The following KANSL1L variants were observed in gnomAD, a reference collection of about 807,000 sequenced individuals.
The protein encoded by KANSL1L is KAT8 regulatory NSL complex subunit 1 like.
In KANSL1L, 25 loss-of-function variants were observed where a neutral mutation model predicts 108.6. The observed-to-expected ratio is 0.23, with a 90% CI of 0.17 to 0.32. KANSL1L has a LOEUF of 0.32. Ranked by LOEUF, KANSL1L falls within the 10% of genes least tolerant of loss-of-function variation. The probability of loss-of-function intolerance (pLI) is 1.00; values close to 1 mark genes in which losing one functional copy is unlikely to be tolerated. For synonymous variants in KANSL1L, 405 were observed against 395.1 expected (o/e 1.03, Z -0.30); for missense variants, 1,137 against 1,125.7 (o/e 1.01, Z -0.14).
chr2:210,042,150 C>G (rs185652098), intron 7 of KANSL1L, among the ~76,000 whole-genome samples: 10 of 152,260 alleles, frequency 6.6e-5, no homozygotes, highest in African/African-American at 2.4e-5. Context: ...CTTGTTCGGT[C>G]TATGTGCCTT....
chr2:210,130,844 ATT>A (rs11333274), intron 2 of KANSL1L, among the ~76,000 whole-genome samples: 351 of 143,612 alleles, frequency 2.4e-3, no homozygotes, highest in South Asian at 0.012. Context: ...GGTGGTAACA[ATT>A]TTTTTTTTTT....
intron 13 of KANSL1L, 131 bp downstream of exon 13, chr2:210,024,973 A>G: frequency 1.6e-6 from 1 of 633,292 alleles, no homozygotes; most frequent in Non-Finnish European, 2.9e-6. Flanking sequence ...GTAGTATTTT[A>G]CTTCTGGTGC....
At chr2:210,091,945 T>C (rs2094696227) in intron 5 of KANSL1L, among the ~76,000 whole-genome samples, 1 of 152,216 alleles carries the variant, frequency 6.6e-6, no homozygotes, top group Non-Finnish European at 1.5e-5. Flanking sequence ...ATAGAGTTTC[T>C]AGGTAAACAG....
At chr2:210,045,428 C>T (rs1023770834) in intron 6 of KANSL1L, among the ~76,000 whole-genome samples, 1 of 152,122 alleles carries the variant, frequency 6.6e-6, no homozygotes, top group Non-Finnish European at 1.5e-5. Context: ...CATTTACTCT[C>T]CTGTTTTTGC....
Position 210,059,899 on chromosome 2 carries a change from G to A in KANSL1L, c.1755+15653C>T, listed in dbSNP as rs1396156620. On this transcript the variant is annotated intron_variant, in intron 6 of 14. Coordinates refer to ENST00000281772, the MANE Select transcript of KANSL1L (RefSeq NM_152519.4). Reference sequence around the variant, plus strand: ...TGGGATTACAGGCACGTGTCACCACGCCTGGCTAATTTTTTGTATTTTTAG... The same window carrying A: ...TGGGATTACAGGCACGTGTCACCACACCTGGCTAATTTTTTGTATTTTTAG... 5.9e-5 allele frequency among the ~76,000 whole-genome samples: 9 copies of A among 151,958 alleles called. No individual in the cohort carries two copies. The South Asian group carries it at 6.2e-4, about 11-fold the overall frequency.
chr2:210,081,936 G>C (rs895315248), intron 5 of KANSL1L, among the ~76,000 whole-genome samples: 1 of 152,132 alleles, frequency 6.6e-6, no homozygotes, highest in Non-Finnish European at 1.5e-5. Context: ...TACAAAGTTA[G>C]GGTTTTTTGT....
rs1005535249 is a variant in KANSL1L at position 210,102,670 on chromosome 2, A to G, written c.1428+1434T>C. On this transcript the variant is annotated intron_variant, in intron 4 of 14. Coordinates refer to ENST00000281772, the MANE Select transcript of KANSL1L (RefSeq NM_152519.4). ...AAGTGGGCGAAGGATATGAATAGAC[A>G]CTTCTCAAGAGAAGACATTTATGCA... 2.6e-5 allele frequency among the ~76,000 whole-genome samples: 4 copies of G among 152,216 alleles called. 1 individual carries two copies. Among genetic ancestry groups the G allele is most frequent in the Non-Finnish European group, 5.9e-5 (4 of 68,044 alleles).
At chr2:210,023,913 C>CCTAA (rs2093897064) in intron 14 of KANSL1L, 120 bp downstream of exon 14, 1 of 598,822 alleles carries the variant, frequency 1.7e-6, no homozygotes, top group Non-Finnish European at 2.8e-6. Flanking sequence ...ATCTTCTATA[C>CCTAA]CTAACTTATT....
At chr2:210,040,616 C>A in intron 7 of KANSL1L, 89 bp from the exon 8 acceptor site, 1 of 563,324 alleles carries the variant, frequency 1.8e-6, no homozygotes, top group Non-Finnish European at 3.1e-6. Flanking sequence ...TGCTTTCTTT[C>A]TATAAATAGC....
intron 6 of KANSL1L, among the ~76,000 whole-genome samples, chr2:210,068,714 C>T (rs1040359945): frequency 1.3e-5 from 2 of 152,112 alleles, no homozygotes; most frequent in African/African-American, 2.4e-5. Context: ...CTCGTCTTTG[C>T]CCCTTTTGGT....
intron 1 of KANSL1L, among the ~76,000 whole-genome samples, chr2:210,164,593 T>G (rs771800650): frequency 9.9e-5 from 15 of 152,210 alleles, no homozygotes; most frequent in Non-Finnish European, 7.4e-5. Flanking sequence ...CTAAAAGAAT[T>G]TAGTCTAATG....
intron 3 of KANSL1L, among the ~76,000 whole-genome samples, chr2:210,112,350 A>G (rs1036889780): frequency 6.6e-6 from 1 of 152,232 alleles, no homozygotes; most frequent in Non-Finnish European, 1.5e-5. Context: ...AACATCTTAA[A>G]GGTACCAGAT....
At chr2:210,047,221 C>T (rs1423684638) in intron 6 of KANSL1L, among the ~76,000 whole-genome samples, 7 of 152,214 alleles carry the variant, frequency 4.6e-5, no homozygotes, top group Admixed American at 2.6e-4. Flanking sequence ...CAGGCTTTCT[C>T]TTTCTTTACA....
At chr2:210,117,675 T>C (rs1453259818) in intron 3 of KANSL1L, among the ~76,000 whole-genome samples, 1 of 151,638 alleles carries the variant, frequency 6.6e-6, no homozygotes, top group Non-Finnish European at 1.5e-5. Context: ...AACTTTTCAC[T>C]AGACTAAGAA....
chr2:210,118,787 T>C (rs181513841), intron 3 of KANSL1L, among the ~76,000 whole-genome samples: 1 of 149,022 alleles, frequency 6.7e-6, no homozygotes, highest in East Asian at 2.0e-4. Flanking sequence ...GAGGCTGCAG[T>C]GAGTCGAAAT....
chr2:210,046,891 T>G (rs1298925919), intron 6 of KANSL1L, among the ~76,000 whole-genome samples: 2 of 152,100 alleles, frequency 1.3e-5, no homozygotes, highest in Non-Finnish European at 2.9e-5. Context: ...CAGCCTAAAC[T>G]ATATCAGGCC....
intron 6 of KANSL1L, among the ~76,000 whole-genome samples, chr2:210,070,224 CTTTTTTTTTTT>C (rs71043971): frequency 1.3e-4 from 10 of 77,566 alleles, no homozygotes; most frequent in South Asian, 6.2e-4. Flanking sequence ...TTTCTCCGTT[CTTTTTTTTTTT>C]TTTTTTTTTT....
chr2:210,164,669 C>T (rs1335103179), intron 1 of KANSL1L, among the ~76,000 whole-genome samples: 3 of 151,888 alleles, frequency 2.0e-5, no homozygotes, highest in Admixed American at 2.0e-4. Context: ...TTTGTCACAA[C>T]ACACAGAAAT....
At position 210,029,894 on chromosome 2, in the gene KANSL1L, G is replaced by C. The variant is rs777618930; in HGVS notation, c.2180C>G (p.Ser727Cys). The change falls in exon 10 of 15, where the codon TCT becomes TGT. Residue 727 changes from serine (S) to cysteine (C), a missense_variant. Physicochemically the swap from Ser to Cys is moderately radical, Grantham distance 112 (BLOSUM62 -1). Transcript: ENST00000281772. ...TCCTGATTCTGTGTGTTGAAAATCA[G>C]ATTCTTCAAGTTTAGTTCTTTCTCC... is the stretch of plus-strand genomic sequence containing the variant. ...ALGERTKLEESDFQHTESGSH... is the reference protein window; with the variant it reads ...ALGERTKLEECDFQHTESGSH... 8.4e-5 allele frequency: 134 copies of C among 1,598,878 alleles called. 1 individual carries two copies. In the Admixed American group the frequency reaches 2.2e-3, roughly 26 times the overall value.
Sources: gnomAD v4.1 joint callset for allele counts (sites outside exome capture counted in the v4.1 genomes callset) on GRCh38, gnomAD v4.1.1 for gene constraint, MANE v1.5 for transcripts, NCBI Gene and HGNC (gene_info 2026-07-23, HGNC 2026-07-21) for gene names.